MLLT3: variants seen among roughly 807,000 people sequenced by gnomAD.
The protein encoded by MLLT3 is protein AF-9.
In MLLT3, 4 loss-of-function variants were observed where a neutral mutation model predicts 53.2. The observed-to-expected ratio is 0.08, with a 90% confidence interval of 0.04 to 0.17. The LOEUF (loss-of-function observed/expected upper bound fraction) is 0.17. Among genes scored for constraint, MLLT3 ranks in the 10% least tolerant of loss-of-function variants. The pLI is 1.00. For missense variants in MLLT3, 569 were observed against 684.0 expected, an observed-to-expected ratio of 0.83 and a Z score of 1.87; for synonymous variants, 283 against 230.6, an observed-to-expected ratio of 1.23 and a Z score of -2.06.
intron 2 of MLLT3, among the ~76,000 whole-genome samples, chr9:20,485,864 A>G (rs1824799803): frequency 6.6e-6 from 1 of 152,224 alleles, no homozygotes; most frequent in Admixed American, 6.5e-5. Context: ...TGAAATTTTT[A>G]CACTTTGAAA....
chr9:20,411,061 C>T (rs577618743), intron 5 of MLLT3: 1 of 152,242 alleles, frequency 6.6e-6, no homozygotes, highest in Non-Finnish European at 1.5e-5. Flanking sequence ...ATCACACTTA[C>T]TCAGAGGCAG....
intron 2 of MLLT3, among the ~76,000 whole-genome samples, chr9:20,495,018 A>G (rs1825048492): frequency 6.6e-6 from 1 of 152,164 alleles, no homozygotes; most frequent in Non-Finnish European, 1.5e-5. Context: ...AAAATGTAAT[A>G]CATTTACAGC....
intron 2 of MLLT3, among the ~76,000 whole-genome samples, chr9:20,531,028 G>GT (rs957101592): frequency 2.8e-5 from 4 of 141,594 alleles, no homozygotes; most frequent in Non-Finnish European, 6.1e-5. Flanking sequence ...GATACTTCTA[G>GT]TTTTTTTCCC....
At chr9:20,394,475 G>A (rs761918849) in intron 5 of MLLT3, among the ~76,000 whole-genome samples, 1 of 152,142 alleles carries the variant, frequency 6.6e-6, no homozygotes. Context: ...AGTTCTGATA[G>A]TGCAGTAAGG....
At chr9:20,622,139 T>C in intron 1 of MLLT3, 106 bp downstream of exon 1, 1 of 1,295,868 alleles carries the variant, frequency 7.7e-7, no homozygotes, top group Non-Finnish European at 1.1e-6. Context: ...TACCAACCTT[T>C]CTCTAATTGG....
chr9:20,560,737 T>C (rs893145641), intron 2 of MLLT3, among the ~76,000 whole-genome samples: 2 of 152,156 alleles, frequency 1.3e-5, no homozygotes, highest in African/African-American at 4.8e-5. Context: ...AGGATAGCCT[T>C]ACACTCTTAT....
At chr9:20,552,277 C>G (rs1230031928) in intron 2 of MLLT3, among the ~76,000 whole-genome samples, 1 of 152,210 alleles carries the variant, frequency 6.6e-6, no homozygotes, top group Non-Finnish European at 1.5e-5. Flanking sequence ...CTATTTAACA[C>G]ACACCAAAAA....
intron 5 of MLLT3, among the ~76,000 whole-genome samples, chr9:20,410,103 T>A (rs1822686363): frequency 6.6e-6 from 1 of 152,258 alleles, no homozygotes; most frequent in Middle Eastern, 3.4e-3. Flanking sequence ...CATATCAACA[T>A]CAAGACCATA....
intron 7 of MLLT3, among the ~76,000 whole-genome samples, 183 bp from the exon 8 acceptor site, chr9:20,361,024 T>C (rs1435239033): frequency 6.6e-6 from 1 of 152,236 alleles, no homozygotes; most frequent in Non-Finnish European, 1.5e-5. Context: ...GTGCTTTACC[T>C]GCCATTTCTC....
intron 2 of MLLT3, among the ~76,000 whole-genome samples, chr9:20,540,621 A>G (rs761472566): frequency 1.6e-4 from 24 of 152,216 alleles, no homozygotes; most frequent in Non-Finnish European, 3.2e-4. Flanking sequence ...GCCATGTCTT[A>G]AGGCTGCACA....
At chr9:20,571,405 C>G (rs1444377929) in intron 2 of MLLT3, among the ~76,000 whole-genome samples, 1 of 152,020 alleles carries the variant, frequency 6.6e-6, no homozygotes, top group African/African-American at 2.4e-5. Context: ...AATATATAAG[C>G]AACTCAATTC....
At chr9:20,527,782 G>T (rs1416797081) in intron 2 of MLLT3, among the ~76,000 whole-genome samples, 2 of 152,182 alleles carry the variant, frequency 1.3e-5, no homozygotes, top group African/African-American at 2.4e-5. Flanking sequence ...GAATATCCAA[G>T]AGTCAAACTG....
intron 4 of MLLT3, among the ~76,000 whole-genome samples, chr9:20,426,326 C>G (rs1182977531): frequency 1.3e-5 from 2 of 152,082 alleles, no homozygotes; most frequent in Non-Finnish European, 2.9e-5. Context: ...CTTAAAAACA[C>G]ATTGGCCAGA....
intron 2 of MLLT3, among the ~76,000 whole-genome samples, chr9:20,475,206 T>C (rs1824490377): frequency 6.6e-6 from 1 of 152,116 alleles, no homozygotes; most frequent in African/African-American, 2.4e-5. Flanking sequence ...AGTAGGAAAC[T>C]CAAATACAGC....
At chr9:20,362,352 A>C (rs751265498) in intron 7 of MLLT3, among the ~76,000 whole-genome samples, 1 of 152,354 alleles carries the variant, frequency 6.6e-6, no homozygotes, top group South Asian at 2.1e-4. Flanking sequence ...TTTTTCATCA[A>C]CTAAACTTGA....
At chr9:20,406,367 A>C (rs74976313) in intron 5 of MLLT3, among the ~76,000 whole-genome samples, 2,229 of 152,330 alleles carry the variant, frequency 0.015, 49 homozygotes, top group African/African-American at 0.05. Context: ...TCATGCAGTG[A>C]CCGTACATAG....
In MLLT3 at chr9:20,471,165, T is replaced by C. The variant is rs186170163; in HGVS notation, c.194-14379A>G. 6.0e-3 allele frequency among the ~76,000 whole-genome samples: 915 copies of C among 152,214 alleles called. 4 individuals are homozygous for C. The highest frequency in any genetic ancestry group is 0.02 in the South Asian group (98 of 4,824). On this transcript the variant is annotated intron_variant, in intron 2 of 10. Coordinates refer to ENST00000380338, the MANE Select transcript of MLLT3 (RefSeq NM_004529.4). The stretch of plus-strand genomic sequence containing the variant: ...ATTCCTAGCATTCAATCAATAGATA[T>C]TTATTAAAGGCTTCTGTGTAGCACT...
intron 2 of MLLT3, among the ~76,000 whole-genome samples, chr9:20,476,270 T>C (rs1824519493): frequency 1.3e-5 from 2 of 152,142 alleles, no homozygotes; most frequent in African/African-American, 4.8e-5. Context: ...GCCATCTTCC[T>C]ACAAGACTCA....
At chr9:20,519,362 T>C (rs1817998865) in intron 2 of MLLT3, among the ~76,000 whole-genome samples, 2 of 152,228 alleles carry the variant, frequency 1.3e-5, no homozygotes, top group Admixed American at 6.5e-5. Flanking sequence ...GAAACTTTTC[T>C]GTAGACCTAA....
Sources: allele counts gnomAD v4.1 joint callset (sites outside exome capture counted in the v4.1 genomes callset), GRCh38; gene constraint gnomAD v4.1.1; transcripts MANE v1.5; gene names NCBI Gene and HGNC (gene_info 2026-07-23, HGNC 2026-07-21).